The following PRRX2 variants were observed in gnomAD, a reference collection of about 807,000 sequenced individuals.
The protein encoded by PRRX2 is paired related homeobox 2.
In PRRX2, 11 loss-of-function variants were observed where a neutral mutation model predicts 18.0. That is an observed-to-expected ratio of 0.61 (90% CI 0.39 to 1.01). The LOEUF (loss-of-function observed/expected upper bound fraction) is 1.01. Ranked by LOEUF, PRRX2 falls within the 50% of genes least tolerant of loss-of-function variation. The pLI, the probability that PRRX2 is intolerant of heterozygous loss-of-function variation, is 0.01. For synonymous variants in PRRX2, 177 were observed against 154.8 expected, an observed-to-expected ratio of 1.14 and a Z score of -1.06; for missense variants, 387 against 351.0, an observed-to-expected ratio of 1.10 and a Z score of -0.82.
At position 129,716,458 on chromosome 9, in the gene PRRX2, T is replaced by C. The variant is rs570684796; in HGVS notation, c.260-2773T>C. On this transcript the variant is annotated intron_variant, in intron 1 of 3. Transcript: ENST00000372469. ...AGTACATACTATGCTTTCTTTCTTT[T>C]TTTTTTTTTTTTTGAGACAAGAGTC... Among the ~76,000 whole-genome samples the C allele has an allele frequency of 4.9e-4, 73 of 150,454 alleles. 1 individual carries two copies. Among genetic ancestry groups the C allele is most frequent in the African/African-American group, 1.0e-3 (43 of 41,264 alleles).
intron 2 of PRRX2, 32 bp downstream of exon 2, chr9:129,719,450 G>T (rs1308909786): frequency 2.0e-6 from 3 of 1,465,804 alleles, no homozygotes; most frequent in African/African-American, 1.4e-5. Flanking sequence ...TCCCGTGGGA[G>T]CGTGCGCGTG....
At chr9:129,670,807 C>A (rs950967188) in intron 1 of PRRX2, among the ~76,000 whole-genome samples, 1 of 152,218 alleles carries the variant, frequency 6.6e-6, no homozygotes, top group Non-Finnish European at 1.5e-5. Context: ...GAGGAAGAGA[C>A]AAAGGGGTCC....
chr9:129,692,439 T>C (rs73627629), intron 1 of PRRX2, among the ~76,000 whole-genome samples: 26,875 of 151,424 alleles, frequency 0.18, 4,528 homozygotes, highest in African/African-American at 0.44. Flanking sequence ...ACATTGGGGT[T>C]CCCTCTTGGT....
intron 1 of PRRX2, among the ~76,000 whole-genome samples, chr9:129,707,234 C>T (rs747217018): frequency 6.6e-6 from 1 of 151,524 alleles, no homozygotes; most frequent in Non-Finnish European, 1.5e-5. Flanking sequence ...CCAGCCTGGG[C>T]AACATAATGA....
At position 129,715,747 on chromosome 9, in the gene PRRX2, TTCTC is replaced by T. The variant is rs1240823798; in HGVS notation, c.260-3483_260-3480del. Among the ~76,000 whole-genome samples, 3 of 112,684 alleles carry T rather than the reference TTCTC, an allele frequency of 2.7e-5. No individual in the cohort carries two copies. Among genetic ancestry groups the T allele is most frequent in the Non-Finnish European group, 3.8e-5 (2 of 52,620 alleles). The allele number at this position is 112,684 out of a possible 152,430, so 73.9% of individuals were successfully genotyped here. ...TCCAAACCCAGCTTCAGGGACATCT[TTCTC>T]ACACACACACACACACACACACACA... On this transcript the variant is annotated intron_variant, in intron 1 of 3. Coordinates refer to ENST00000372469, the MANE Select transcript of PRRX2 (RefSeq NM_016307.4). The surrounding 1 kb of genome is among the most constrained non-coding windows in gnomAD (Gnocchi z 4.0).
rs541589886 is a variant in PRRX2, at chr9:129,671,612, G to C, written c.259+5486G>C. Among the ~76,000 whole-genome samples the C allele has an allele frequency of 1.7e-4, 26 of 152,344 alleles. No homozygotes were observed. Among genetic ancestry groups the C allele is most frequent in the African/African-American group, 6.0e-4 (25 of 41,584 alleles). On this transcript the variant is annotated intron_variant, in intron 1 of 3. Coordinates refer to ENST00000372469, the MANE Select transcript of PRRX2 (RefSeq NM_016307.4). This position sits in a 1 kb window ranked among gnomAD's most constrained non-coding sequence, Gnocchi z 4.0. Reference sequence around the variant, plus strand: ...GTTGCCATCTGTGGGATAGGAACAAGGGCTGTGGTATCCCTCAAAGGGCGT... The same window carrying C: ...GTTGCCATCTGTGGGATAGGAACAACGGCTGTGGTATCCCTCAAAGGGCGT...
At chr9:129,686,812 C>T (rs959729001) in intron 1 of PRRX2, among the ~76,000 whole-genome samples, 11 of 152,224 alleles carry the variant, frequency 7.2e-5, no homozygotes, top group African/African-American at 2.7e-4. Context: ...CACCCAGGCC[C>T]CTCCCCTCCC....
chr9:129,676,696 C>G (rs917080239), intron 1 of PRRX2, among the ~76,000 whole-genome samples: 2 of 152,218 alleles, frequency 1.3e-5, no homozygotes, highest in Non-Finnish European at 2.9e-5. Flanking sequence ...CTTGAGGCCC[C>G]CACCACTAAC....
chr9:129,671,648 G>A lies in PRRX2; in HGVS notation c.259+5522G>A, dbSNP rs1156573312. Among the ~76,000 whole-genome samples the A allele has an allele frequency of 1.3e-5, 2 of 152,234 alleles. No homozygotes were observed. Among genetic ancestry groups the A allele is most frequent in the Non-Finnish European group, 2.9e-5 (2 of 68,046 alleles). On this transcript the variant is annotated intron_variant, in intron 1 of 3. Coordinates refer to ENST00000372469, the MANE Select transcript of PRRX2 (RefSeq NM_016307.4). The surrounding 1 kb of genome is among the most constrained non-coding windows in gnomAD (Gnocchi z 4.0). ...TCCCTCAAAGGGCGTGTCGAGCCCTGAGTGGGTGAGGGTTCTGGGTACCAT... is the reference window on the plus strand; with the variant it reads ...TCCCTCAAAGGGCGTGTCGAGCCCTAAGTGGGTGAGGGTTCTGGGTACCAT...
Position 129,675,147 on chromosome 9 carries a change from G to A in PRRX2, c.259+9021G>A, listed in dbSNP as rs1047387335. ...CTGGCTCTGGACCTGGAAGGGCCCG[G>A]AAGTGTCCAGTATACAGGAGAGGGA... On this transcript the variant is annotated intron_variant, in intron 1 of 3. Coordinates refer to ENST00000372469, the MANE Select transcript of PRRX2 (RefSeq NM_016307.4). The surrounding 1 kb of genome is among the most constrained non-coding windows in gnomAD (Gnocchi z 4.4). Among the ~76,000 whole-genome samples, 1 of 152,204 alleles carries A rather than the reference G, an allele frequency of 6.6e-6. No homozygotes were observed. The highest frequency in any genetic ancestry group is 1.5e-5 in the Non-Finnish European group (1 of 68,028).
At chr9:129,666,550 G>T (rs539702516) in intron 1 of PRRX2, among the ~76,000 whole-genome samples, 1 of 150,678 alleles carries the variant, frequency 6.6e-6, no homozygotes, top group Non-Finnish European at 1.5e-5. Context: ...TGGGCTCTTT[G>T]GGGGGCGAGG....
At chr9:129,680,409 AAAAAAAAG>A (rs1487857358) in intron 1 of PRRX2, among the ~76,000 whole-genome samples, 3 of 148,072 alleles carry the variant, frequency 2.0e-5, no homozygotes, top group African/African-American at 5.1e-5. Flanking sequence ...TCAAAAAAAA[AAAAAAAAG>A]AAAAGAAAAG....
chr9:129,684,458 A>ACC lies in PRRX2; in HGVS notation c.259+18334_259+18335dup, dbSNP rs71385453. On this transcript the variant is annotated intron_variant, in intron 1 of 3. Transcript: ENST00000372469. ...CACACACACACACACACACACACACACCCAACAGAAAAGATACCAGAAATC... is the reference window on the plus strand; with the variant it reads ...CACACACACACACACACACACACACACCCCCAACAGAAAAGATACCAGAAATC... 1.0e-3 allele frequency among the ~76,000 whole-genome samples: 120 copies of ACC among 118,686 alleles called. 1 individual carries two copies. The highest frequency in any genetic ancestry group is 2.6e-3 in the Admixed American group (25 of 9,596). 77.9% of individuals were successfully genotyped at this position (118,686 alleles called of 152,430 possible).
In PRRX2 at chr9:129,719,332, C is replaced by T. The variant is rs1432466761; in HGVS notation, c.361C>T (p.Arg121Cys). The T allele has an allele frequency of 1.9e-6, 3 of 1,603,792 alleles. No individual in the cohort carries two copies. Among genetic ancestry groups the T allele is most frequent in the Non-Finnish European group, 2.6e-6 (3 of 1,175,790 alleles). The change falls in exon 2 of 4, where the codon CGC (arginine) becomes TGC (cysteine). Residue 121 changes from arginine (R) to cysteine (C), a missense_variant. By Grantham distance (180) the Arg-to-Cys change is radical (BLOSUM62 -3). Coordinates refer to ENST00000372469, the MANE Select transcript of PRRX2 (RefSeq NM_016307.4). ...CAGCAGCCAACTGCAGGCGCTGGAGCGCGTGTTCGAGCGCACGCACTACCC... is the reference window on the plus strand; with the variant it reads ...CAGCAGCCAACTGCAGGCGCTGGAGTGCGTGTTCGAGCGCACGCACTACCC... ...FNSSQLQALERVFERTHYPDA... is the reference protein window; with the variant it reads ...FNSSQLQALECVFERTHYPDA...
chr9:129,695,743 C>T lies in PRRX2; in HGVS notation c.260-23488C>T, dbSNP rs796913626. On this transcript the variant is annotated intron_variant, in intron 1 of 3. Transcript: ENST00000372469. The surrounding 1 kb of genome is among the most constrained non-coding windows in gnomAD (Gnocchi z 4.8). The stretch of plus-strand genomic sequence containing the variant: ...ATTCACCAGGCCATTATGGGCCTCA[C>T]TACCTTTAGGCGGGGAACTTTTTAA... 1.9e-4 allele frequency among the ~76,000 whole-genome samples: 29 copies of T among 152,366 alleles called. 1 individual carries two copies. Among genetic ancestry groups the T allele is most frequent in the African/African-American group, 7.0e-4 (29 of 41,600 alleles).
rs569824624 is a variant in PRRX2 at position 129,720,747 on chromosome 9, T to A, written c.599T>A (p.Leu200His). ...CCCACCGCCCTGAGTCCAGATTATC[T>A]CTCCTGGACAGCCTCGTCCCCCTAC... ...PRPTALSPDY[L>H]SWTASSPYST... The change falls in exon 3 of 4, where the codon CTC becomes CAC. Residue 200 changes from leucine to histidine, a missense_variant. By Grantham distance (99) the Leu-to-His change is moderately conservative. Transcript: ENST00000372469. 1 of 1,605,072 alleles carries A rather than the reference T, an allele frequency of 6.2e-7. No homozygotes were observed. The highest frequency in any genetic ancestry group is 1.1e-5 in the South Asian group (1 of 90,278).
rs147551782 is a variant in PRRX2, at chr9:129,701,873, C to T, written c.260-17358C>T. On this transcript the variant is annotated intron_variant, in intron 1 of 3. Transcript: ENST00000372469. ...CCACACTTTAGGAGGCCAAGGCAGG[C>T]GGATCACTTGAGGTCAGGAGTTGGA... Among the ~76,000 whole-genome samples, 983 of 151,614 alleles carry T rather than the reference C, an allele frequency of 6.5e-3. 4 individuals are homozygous for T. The highest frequency in any genetic ancestry group is 0.022 in the African/African-American group (926 of 41,288).
At chr9:129,670,774 C>T (rs1247936682) in intron 1 of PRRX2, among the ~76,000 whole-genome samples, 1 of 152,208 alleles carries the variant, frequency 6.6e-6, no homozygotes, top group Non-Finnish European at 1.5e-5. Context: ...AGGGCATCAT[C>T]ACAAGACCAG....
chr9:129,719,180 C>G, intron 1 of PRRX2, 51 bp from the exon 2 acceptor site: 1 of 1,465,524 alleles, frequency 6.8e-7, no homozygotes, highest in Non-Finnish European at 9.1e-7. Flanking sequence ...TGAACTGTGA[C>G]TGTAGCCACT....
Sources: gnomAD v4.1 joint callset for allele counts (sites outside exome capture counted in the v4.1 genomes callset) on GRCh38, gnomAD v4.1.1 for gene constraint, Gnocchi (gnomAD v3.1) non-coding constraint, MANE v1.5 for transcripts, NCBI Gene and HGNC (gene_info 2026-07-23, HGNC 2026-07-21) for gene names.